EIF4B: variants seen among roughly 807,000 people sequenced by gnomAD.
EIF4B encodes the protein eukaryotic translation initiation factor 4B.
In EIF4B, 8 loss-of-function variants were observed where a neutral mutation model predicts 79.3. The ratio of observed to expected loss-of-function variants is 0.10; its 90% CI spans 0.06 to 0.18. The LOEUF is 0.18. Among genes scored for constraint, EIF4B ranks in the 10% least tolerant of loss-of-function variants. The pLI is 1.00. For synonymous variants in EIF4B, 238 were observed against 274.7 expected, an observed-to-expected ratio of 0.87 and a Z score of 1.32; for missense variants, 515 against 792.4, an observed-to-expected ratio of 0.65 and a Z score of 4.20.
chr12:53,024,933 G>GGT (rs1469394766), intron 6 of EIF4B, among the ~76,000 whole-genome samples: 3 of 152,144 alleles, frequency 2.0e-5, no homozygotes. Context: ...TGGGATTACA[G>GGT]GTGTGAGCCA....
At chr12:53,033,292 T>G (rs1043219236) in intron 8 of EIF4B, among the ~76,000 whole-genome samples, 3 of 151,548 alleles carry the variant, frequency 2.0e-5, no homozygotes, top group African/African-American at 7.3e-5. Flanking sequence ...GTATCGGGAT[T>G]ACAGACGTGA....
At chr12:53,025,120 G>A in intron 6 of EIF4B, 4 of 427,640 alleles carry the variant, frequency 9.4e-6, no homozygotes, top group Non-Finnish European at 1.9e-5. Flanking sequence ...AAATCAGCAA[G>A]TTTATATCTG....
chr12:53,025,344 G>A (rs1423000308), intron 6 of EIF4B: 9 of 435,904 alleles, frequency 2.1e-5, no homozygotes, highest in South Asian at 6.6e-5. Context: ...AATGGATAAC[G>A]AGTGAGTGTG....
In EIF4B at chr12:53,034,622, T is replaced by C. The variant is rs766633966; in HGVS notation, c.1219T>C (p.Trp407Arg). 6.2e-7 allele frequency: 1 copy of C among 1,613,944 alleles called. No individual in the cohort carries two copies. Among genetic ancestry groups the C allele is most frequent in the Non-Finnish European group, 8.5e-7 (1 of 1,179,868 alleles). The change falls in exon 10 of 15, where the codon TGG becomes CGG. Residue 407 changes from tryptophan (W) to arginine (R), a missense_variant. This residue lies in a region of EIF4B where 146 missense variants were observed against 228.0 expected (regional missense o/e 0.64). Transcript: ENST00000262056. Reference protein sequence around the residue: ...ERRPRERHPSWRSEETQERER... With the variant: ...ERRPRERHPSRRSEETQERER... ...GAATCTCTCGTACAGACACCCAAGC[T>C]GGCGAAGTGAAGAAACTCAGGAACG...
intron 12 of EIF4B, chr12:53,038,874 C>T (rs776003854): frequency 1.7e-4 from 32 of 186,884 alleles, no homozygotes; most frequent in Admixed American, 2.9e-4. Context: ...GGAGGAGTGG[C>T]CTCTTTGGAG....
At chr12:53,017,224 G>T (rs1307228186) in intron 2 of EIF4B, among the ~76,000 whole-genome samples, 1 of 148,338 alleles carries the variant, frequency 6.7e-6, no homozygotes, top group Non-Finnish European at 1.5e-5. Context: ...CTGCACTCCA[G>T]CGTGGGAGAC....
chr12:53,025,834 A>C (rs988793423), intron 6 of EIF4B, among the ~76,000 whole-genome samples: 1 of 152,140 alleles, frequency 6.6e-6, no homozygotes, highest in Non-Finnish European at 1.5e-5. Flanking sequence ...CTGGCCGGGC[A>C]TGGTGGCTCA....
intron 11 of EIF4B, 103 bp from the exon 12 acceptor site, chr12:53,038,248 ATTTTG>A (rs1943570964): frequency 1.1e-6 from 1 of 907,988 alleles, no homozygotes; most frequent in South Asian, 2.1e-5. Context: ...ATTGAGTATG[ATTTTG>A]TTTTCTATAA....
chr12:53,018,241 G>A (rs1216021890), intron 2 of EIF4B, among the ~76,000 whole-genome samples: 2 of 152,186 alleles, frequency 1.3e-5, no homozygotes, highest in Admixed American at 6.5e-5. Context: ...ACCCACCTTG[G>A]CCTCCCGAAG....
At chr12:53,018,130 A>G (rs1169069745) in intron 2 of EIF4B, among the ~76,000 whole-genome samples, 1 of 152,212 alleles carries the variant, frequency 6.6e-6, no homozygotes, top group Non-Finnish European at 1.5e-5. Context: ...AGATGGGATT[A>G]CTGGCACATG....
chr12:53,033,367 G>A (rs944822114), intron 8 of EIF4B, among the ~76,000 whole-genome samples: 5 of 139,676 alleles, frequency 3.6e-5, no homozygotes. Context: ...TTTTTGAGAC[G>A]GAGCCTTGCT....
intron 6 of EIF4B, 87 bp from the exon 7 acceptor site, chr12:53,027,695 T>G: frequency 6.8e-7 from 1 of 1,463,038 alleles, no homozygotes; most frequent in Non-Finnish European, 9.1e-7. Context: ...AATAAACAGA[T>G]TCTTCCAAAT....
At position 53,033,828 on chromosome 12, in the gene EIF4B, G is replaced by A. The variant is rs969703412; in HGVS notation, c.1002G>A (p.Leu334=). 1 of 1,603,488 alleles carries A rather than the reference G, an allele frequency of 6.2e-7. No homozygotes were observed. The highest frequency in any genetic ancestry group is 8.5e-7 in the Non-Finnish European group (1 of 1,174,768). Reference sequence around the variant, plus strand: ...TAGGTCCCCCCCAAAGACCCAAACTGAATCTAAAGCCTCGGAGTACTCCTA... The same window carrying A: ...TAGGTCCCCCCCAAAGACCCAAACTAAATCTAAAGCCTCGGAGTACTCCTA... ...DDRGPPQRPK[L]NLKPRSTPKE... Residue 334 remains leucine (L), a synonymous_variant, in exon 9 of 15, where the codon CTG becomes CTA. Transcript: ENST00000262056.
chr12:53,016,099 CT>C (rs1302743787), intron 1 of EIF4B, among the ~76,000 whole-genome samples: 3 of 151,908 alleles, frequency 2.0e-5, no homozygotes, highest in African/African-American at 7.2e-5. Context: ...TTTTATTGAT[CT>C]TTTTTATCCA....
intron 11 of EIF4B, chr12:53,037,977 G>T: frequency 3.4e-6 from 1 of 293,252 alleles, no homozygotes; most frequent in Non-Finnish European, 6.4e-6. Context: ...AACACTATTA[G>T]CCTGGCGTGG....
At chr12:53,037,676 A>G in intron 11 of EIF4B, 54 bp downstream of exon 11, 1 of 1,577,408 alleles carries the variant, frequency 6.3e-7, no homozygotes, top group Non-Finnish European at 8.7e-7. Flanking sequence ...AAATACTGTG[A>G]TGTAATGATG....
intron 13 of EIF4B, 52 bp downstream of exon 13, chr12:53,039,395 T>G (rs896805575): frequency 4.9e-6 from 7 of 1,435,144 alleles, no homozygotes; most frequent in Non-Finnish European, 6.6e-6. Flanking sequence ...TTTGTGTAAT[T>G]AAGAAATTAA....
chr12:53,023,236 T>C (rs1021190771), intron 6 of EIF4B, among the ~76,000 whole-genome samples: 13 of 152,204 alleles, frequency 8.5e-5, no homozygotes, highest in Non-Finnish European at 1.6e-4. Context: ...CTTTTTGATA[T>C]ATATATATAT....
chr12:53,019,554 T>G (rs1021204351), intron 3 of EIF4B, among the ~76,000 whole-genome samples: 2 of 143,476 alleles, frequency 1.4e-5, no homozygotes, highest in African/African-American at 5.2e-5. Flanking sequence ...TTAGTAGAGA[T>G]AGGGTTGCAC....
Sources: gnomAD v4.1 joint callset for allele counts (sites outside exome capture counted in the v4.1 genomes callset) on GRCh38, gnomAD v4.1.1 for gene constraint, gnomAD v4.1.1 regional missense constraint, MANE v1.5 for transcripts, NCBI Gene and HGNC (gene_info 2026-07-23, HGNC 2026-07-21) for gene names.